Variants in LMO7 observed in about 807,000 individuals in gnomAD.
LMO7 encodes LIM domain 7, also known as LIM domain only protein 7.
Under a neutral mutation model 206.5 loss-of-function variants are expected in LMO7, and 120 were observed. The observed-to-expected ratio is 0.58, with a 90% confidence interval of 0.50 to 0.68. The LOEUF is 0.68. Ranked by LOEUF, LMO7 falls within the 30% of genes least tolerant of loss-of-function variation. The pLI is 0.00. For missense variants in LMO7, 1,959 were observed against 1,957.9 expected (o/e 1.00, Z -0.01); for synonymous variants, 706 against 681.5 (o/e 1.04, Z -0.56).
At chr13:75,731,380 G>A (rs1315597665) in intron 3 of LMO7, among the ~76,000 whole-genome samples, 1 of 152,148 alleles carries the variant, frequency 6.6e-6, no homozygotes, top group Admixed American at 6.5e-5. Flanking sequence ...TTACCATTAT[G>A]TAATGGCCTT....
chr13:75,791,655 T>C (rs963614660), intron 4 of LMO7, among the ~76,000 whole-genome samples: 8 of 152,028 alleles, frequency 5.3e-5, no homozygotes, highest in African/African-American at 1.9e-4. Context: ...GAGAAAAAAA[T>C]GCCTATAGTA....
intron 2 of LMO7, chr13:75,627,849 T>A (rs1022518951): frequency 6.6e-6 from 1 of 152,006 alleles, no homozygotes; most frequent in African/African-American, 2.4e-5. Flanking sequence ...ACTTAGAGAA[T>A]TATAATGTGG....
At chr13:75,792,731 A>G (rs2140670215) in intron 4 of LMO7, among the ~76,000 whole-genome samples, 1 of 152,284 alleles carries the variant, frequency 6.6e-6, no homozygotes, top group African/African-American at 2.4e-5. Flanking sequence ...AACTCTGTTT[A>G]CTCCAGCAAA....
intron 1 of LMO7, among the ~76,000 whole-genome samples, chr13:75,677,458 C>T (rs1362246740): frequency 1.3e-5 from 2 of 152,108 alleles, no homozygotes; most frequent in African/African-American, 2.4e-5. Context: ...GACTTTTCTA[C>T]GTGTTTGGGA....
chr13:75,826,293 T>G (rs2138624729), intron 15 of LMO7, among the ~76,000 whole-genome samples: 1 of 152,244 alleles, frequency 6.6e-6, no homozygotes, highest in East Asian at 1.9e-4. Context: ...CCATCCATCT[T>G]GGCCTCCAAA....
At chr13:75,726,861 C>G (rs980755258) in intron 2 of LMO7, among the ~76,000 whole-genome samples, 168 bp from the exon 3 acceptor site, 6 of 152,192 alleles carry the variant, frequency 3.9e-5, no homozygotes, top group Middle Eastern at 3.4e-3. Context: ...TGGTGCTCTT[C>G]TTTGTCTCTA....
chr13:75,708,175 A>G (rs1011100933), intron 1 of LMO7, among the ~76,000 whole-genome samples: 1 of 152,206 alleles, frequency 6.6e-6, no homozygotes, highest in Non-Finnish European at 1.5e-5. Flanking sequence ...CTACAAACTA[A>G]TAAGCAGGTG....
chr13:75,662,491 G>A (rs1221323839), intron 1 of LMO7, among the ~76,000 whole-genome samples: 2 of 152,110 alleles, frequency 1.3e-5, no homozygotes, highest in African/African-American at 4.8e-5. Flanking sequence ...GCTAATTTTT[G>A]TATTTTTTGC....
chr13:75,733,079 G>T (rs1269338131), intron 3 of LMO7, among the ~76,000 whole-genome samples: 1 of 152,212 alleles, frequency 6.6e-6, no homozygotes, highest in East Asian at 1.9e-4. Context: ...CAGGGGTCAG[G>T]GACCCACTTG....
chr13:75,802,286 G>A (rs1159385722), intron 7 of LMO7, among the ~76,000 whole-genome samples: 3 of 152,280 alleles, frequency 2.0e-5, no homozygotes, highest in South Asian at 2.1e-4. Context: ...ACTGCCACAC[G>A]TATTGGCTGT....
intron 1 of LMO7, among the ~76,000 whole-genome samples, chr13:75,687,905 G>A (rs1419898272): frequency 3.3e-5 from 5 of 152,110 alleles, no homozygotes; most frequent in African/African-American, 7.2e-5. Flanking sequence ...TAATCCCCAC[G>A]TGTTGTAGGA....
chr13:75,765,213 A>T (rs933725859), intron 4 of LMO7, among the ~76,000 whole-genome samples: 4 of 152,088 alleles, frequency 2.6e-5, no homozygotes, highest in Non-Finnish European at 4.4e-5. Context: ...GGCTTGAGGT[A>T]TGTAAGTGTA....
intron 21 of LMO7, 39 bp from the exon 22 acceptor site, chr13:75,840,349 ATGT>A (rs1169001336): frequency 1.2e-6 from 2 of 1,608,134 alleles, no homozygotes; most frequent in Non-Finnish European, 8.5e-7. Context: ...TAATGAAGTT[ATGT>A]TGTTCTCTAT....
rs1325029453 is a variant in LMO7, at chr13:75,636,680, A to C, written c.23A>C (p.Glu8Ala). 4 of 1,609,310 alleles carry C rather than the reference A, an allele frequency of 2.5e-6. No homozygotes were observed. The highest frequency in any genetic ancestry group is 3.4e-6 in the Non-Finnish European group (4 of 1,178,566). Residue 8 changes from glutamate (E) to alanine (A), a missense_variant, in exon 1 of 31, where the codon GAG (glutamate) becomes GCG (alanine). Glu to Ala is a moderately radical substitution (Grantham distance 107). Transcript: ENST00000377534. ...GCCATGGAAGGGCTGGAGGAGGCAG[A>C]GGCCAACTGCTCCGTGGCGTTCGCT... MEGLEEA[E>A]ANCSVAFAEA... is the part of the protein sequence containing the mutation.
chr13:75,728,076 C>T (rs1279109735), intron 3 of LMO7, among the ~76,000 whole-genome samples: 2 of 151,984 alleles, frequency 1.3e-5, no homozygotes, highest in Non-Finnish European at 2.9e-5. Flanking sequence ...AATAGTGCCG[C>T]AATAAACACA....
intron 4 of LMO7, among the ~76,000 whole-genome samples, chr13:75,774,951 A>T (rs1949465231): frequency 1.3e-5 from 2 of 152,140 alleles, no homozygotes; most frequent in Non-Finnish European, 2.9e-5. Context: ...ATTATCTAAT[A>T]AAAAATAATG....
intron 26 of LMO7, among the ~76,000 whole-genome samples, chr13:75,848,431 T>TCATCTATC (rs1555348051): frequency 0.065 from 9,750 of 150,600 alleles, 389 homozygotes; most frequent in Non-Finnish European, 0.092. Flanking sequence ...TTCCATGCGA[T>TCATCTATC]TATCTATCTA....
chr13:75,808,585 G>A (rs759371844), intron 10 of LMO7, among the ~76,000 whole-genome samples: 73 of 151,994 alleles, frequency 4.8e-4, no homozygotes, highest in Non-Finnish European at 9.6e-4. Flanking sequence ...TTTTTTTGGG[G>A]GGGTGAAATT....
At chr13:75,746,424 C>G (rs776523917) in intron 3 of LMO7, among the ~76,000 whole-genome samples, 6 of 152,184 alleles carry the variant, frequency 3.9e-5, no homozygotes, top group Non-Finnish European at 8.8e-5. Context: ...TCTAAAGCAA[C>G]AGATCAACGG....
Sources: gnomAD v4.1 joint callset for allele counts (sites outside exome capture counted in the v4.1 genomes callset) on GRCh38, gnomAD v4.1.1 for gene constraint, MANE v1.5 for transcripts, NCBI Gene and HGNC (gene_info 2026-07-23, HGNC 2026-07-21) for gene names.